The following ZSCAN18 variants were observed in gnomAD, a reference collection of about 807,000 sequenced individuals.
ZSCAN18 encodes the protein zinc finger and SCAN domain containing 18.
A neutral mutation model predicts 31.1 loss-of-function variants in ZSCAN18; 16 were observed. The ratio of observed to expected loss-of-function variants is 0.51; its 90% CI spans 0.35 to 0.78. The LOEUF is 0.78. Ranked by LOEUF, ZSCAN18 falls within the 30% of genes least tolerant of loss-of-function variation. ZSCAN18 has a pLI of 0.01. For synonymous variants in ZSCAN18, 375 were observed against 320.7 expected, an observed-to-expected ratio of 1.17 and a Z score of -1.81; for missense variants, 731 against 697.4, an observed-to-expected ratio of 1.05 and a Z score of -0.54.
At chr19:58,104,097 G>A (rs554995239) in intron 1 of ZSCAN18, among the ~76,000 whole-genome samples, 130 of 152,314 alleles carry the variant, frequency 8.5e-4, no homozygotes, top group Non-Finnish European at 1.6e-3. Flanking sequence ...ATTCTGAGCC[G>A]GCCAGGCACA....
At chr19:58,115,529 T>C (rs1462746918) in intron 1 of ZSCAN18, among the ~76,000 whole-genome samples, 1 of 152,236 alleles carries the variant, frequency 6.6e-6, no homozygotes, top group Non-Finnish European at 1.5e-5. Context: ...TCAACGTGTG[T>C]ATATAACTTG....
At chr19:58,112,582 C>T (rs911645751) in intron 1 of ZSCAN18, among the ~76,000 whole-genome samples, 4 of 150,566 alleles carry the variant, frequency 2.7e-5, no homozygotes, top group South Asian at 2.1e-4. Flanking sequence ...ACCCAGGAGG[C>T]GGAGATTGCA....
intron 1 of ZSCAN18, among the ~76,000 whole-genome samples, chr19:58,106,421 G>GTTTTTTTTGGTTTTTTTTTTAAATGGA (rs368006741): frequency 1.7e-5 from 1 of 60,152 alleles, no homozygotes; most frequent in African/African-American, 4.2e-5. Context: ...AAAGACATCT[G>GTTTTTTTTGGTTTTTTTTTTAAATGGA]GCTGGGCGCG....
intron 1 of ZSCAN18, among the ~76,000 whole-genome samples, chr19:58,109,602 ATAAAC>A (rs1374521697): frequency 6.6e-6 from 1 of 152,238 alleles, no homozygotes; most frequent in African/African-American, 2.4e-5. Context: ...ACAAAAGTGA[ATAAAC>A]TAAGAGTACA....
At chr19:58,098,424 A>C (rs1436352170), upstream of ZSCAN18, 1 of 969,774 alleles carries the variant, frequency 1.0e-6, no homozygotes, top group Non-Finnish European at 1.2e-6. Flanking sequence ...GCACCATGGC[A>C]ACGAAGTAAA....
At position 58,095,096 on chromosome 19, in the gene ZSCAN18, G is replaced by A. The variant is rs186202368; in HGVS notation, c.-120+3078C>T. On this transcript the variant is annotated intron_variant, in intron 1 of 6. Coordinates refer to ENST00000601144, the MANE Select transcript of ZSCAN18 (RefSeq NM_001145543.2). ...AAAACAGGTCACTGCTGGCCTGCAG[G>A]TGGGTACGCTAACCCCTGTTCTGGA... Among the ~76,000 whole-genome samples, 19 of 152,238 alleles carry A rather than the reference G, an allele frequency of 1.2e-4. No individual in the cohort carries two copies. The East Asian group carries it at 3.5e-3, about 28-fold the overall frequency.
rs2074228168 is a variant in ZSCAN18 at position 58,084,802 on chromosome 19, C to G, written c.1416G>C (p.Gly472=). 1 of 1,582,304 alleles carries G rather than the reference C, an allele frequency of 6.3e-7. No homozygotes were observed. Among genetic ancestry groups the G allele is most frequent in the African/African-American group, 1.3e-5 (1 of 74,622 alleles). ...THEKEKSYAL[G]GARGPQPSTR... is the part of the protein sequence containing the mutation. Reference sequence around the variant, plus strand: ...TGGACGGTTGGGGGCCCCGGGCGCCCCCCAGCGCGTAGCTTTTCTCCTTCT... The same window carrying G: ...TGGACGGTTGGGGGCCCCGGGCGCCGCCCAGCGCGTAGCTTTTCTCCTTCT... Residue 472 remains glycine (G), a synonymous_variant, in exon 7 of 7, where the codon GGG becomes GGC. Transcript: ENST00000601144. This position sits in a 1 kb window ranked among gnomAD's most constrained non-coding sequence, Gnocchi z 4.5.
At chr19:58,087,433 C>T in intron 3 of ZSCAN18, 29 bp from the exon 4 acceptor site, 1 of 1,571,634 alleles carries the variant, frequency 6.4e-7, no homozygotes. Context: ...AGAGCTGAGG[C>T]AATGAGCTCC....
intron 1 of ZSCAN18, among the ~76,000 whole-genome samples, chr19:58,105,244 T>C (rs1428468264): frequency 6.6e-6 from 1 of 152,210 alleles, no homozygotes; most frequent in Non-Finnish European, 1.5e-5. Flanking sequence ...GGCTGCTCAC[T>C]GACAAGAGCT....
In ZSCAN18 at chr19:58,084,838, C is replaced by T. The variant is rs756944987; in HGVS notation, c.1380G>A (p.Gln460=). Residue 460 remains glutamine (Q), a synonymous_variant, in exon 7 of 7, where the codon CAG becomes CAA. Transcript: ENST00000601144. This position sits in a 1 kb window ranked among gnomAD's most constrained non-coding sequence, Gnocchi z 4.5. The part of the protein sequence containing the change: ...FHFSLALAEH[Q]KTHEKEKSYA... ...AGCTTTTCTCCTTCTCGTGGGTCTT[C>T]TGGTGCTCGGCTAGGGCCAGGCTGA... 5.0e-6 allele frequency: 8 copies of T among 1,598,736 alleles called. No individual in the cohort carries two copies. In the African/African-American group the frequency reaches 9.4e-5, roughly 19 times the overall value.
In ZSCAN18 at chr19:58,107,650, A is replaced by G. The variant is rs1243811041; in HGVS notation, c.130+10617T>C. 8 of 985,740 alleles carry G rather than the reference A, an allele frequency of 8.1e-6. No individual in the cohort carries two copies. The Admixed American group carries it at 1.8e-4, about 23-fold the overall frequency. The allele number at this position is 985,740 out of a possible 1,614,324, so 61.1% of individuals were successfully genotyped here. On this transcript the variant is annotated intron_variant, in intron 1 of 1. Transcript: ENST00000595721. The stretch of plus-strand genomic sequence containing the variant: ...TTCTTCCATTTATAGATGGAAAAAC[A>G]TATTTGTTACTTTCAAACAACATAA...
At position 58,085,336 on chromosome 19, in the gene ZSCAN18, C is replaced by G. The variant is rs753014433; in HGVS notation, c.882G>C (p.Glu294Asp). 1.8e-4 allele frequency: 288 copies of G among 1,593,976 alleles called. No homozygotes were observed. Among genetic ancestry groups the G allele is most frequent in the Non-Finnish European group, 2.4e-4 (280 of 1,177,828 alleles). ...CAGGCAGCACCCCCGCGGGGGCGGC[C>G]TCCTCGCAGGCGCACCCAGCGCTCT... ...RQESAGCACE[E>D]AAPAGVLPEL... Residue 294 changes from glutamate (E) to aspartate (D), a missense_variant, in exon 7 of 7, where the codon GAG (glutamate) becomes GAC (aspartate). Physicochemically the swap from Glu to Asp is conservative, Grantham distance 45 (BLOSUM62 2). Transcript: ENST00000601144.
intron 1 of ZSCAN18, chr19:58,108,507 A>G (rs1374357401): frequency 1.0e-6 from 1 of 985,916 alleles, no homozygotes; most frequent in Non-Finnish European, 1.2e-6. Context: ...TCTTGCATTT[A>G]TAGGATTTCT....
Position 58,084,145 on chromosome 19 carries a change from C to T in ZSCAN18, c.*540G>A, listed in dbSNP as rs1350196409. 1 of 152,312 alleles carries T rather than the reference C, an allele frequency of 6.6e-6. No homozygotes were observed. Among genetic ancestry groups the T allele is most frequent in the Non-Finnish European group, 1.5e-5 (1 of 68,098 alleles). 9.4% of individuals were successfully genotyped at this position (152,312 alleles called of 1,614,324 possible). A position where few individuals can be genotyped will look rare whatever the true frequency, so the allele number is the denominator to read the frequency against. On this transcript the variant is annotated 3_prime_UTR_variant, in exon 7 of 7. Transcript: ENST00000601144. This position sits in a 1 kb window ranked among gnomAD's most constrained non-coding sequence, Gnocchi z 4.5. ...ACCCTGCCTTAGGCTGCAAGCATTT[C>T]TGTGATCTCTGCGAGCTACTCCATA...
At chr19:58,085,937 C>T in intron 6 of ZSCAN18, 1 of 536,412 alleles carries the variant, frequency 1.9e-6, no homozygotes, top group South Asian at 2.4e-5. Flanking sequence ...TACACAGATC[C>T]TGGCAACTAA....
chr19:58,108,094 G>T, intron 1 of ZSCAN18: 4 of 991,794 alleles, frequency 4.0e-6, no homozygotes, highest in Non-Finnish European at 4.8e-6. Context: ...TAACTCATGA[G>T]ATTTCTTTCC....
chr19:58,087,478 C>T, intron 3 of ZSCAN18, 74 bp from the exon 4 acceptor site: 1 of 1,335,926 alleles, frequency 7.5e-7, no homozygotes, highest in Non-Finnish European at 1.0e-6. Flanking sequence ...CAAGGAGCCC[C>T]CGCTGCCTCC....
At chr19:58,104,508 G>A (rs1422559661) in intron 1 of ZSCAN18, among the ~76,000 whole-genome samples, 8 of 151,740 alleles carry the variant, frequency 5.3e-5, no homozygotes, top group Admixed American at 5.3e-4. Context: ...AGAACAGCTT[G>A]GTCAACGTGG....
chr19:58,108,816 G>A (rs1171544089), intron 1 of ZSCAN18: 1 of 978,084 alleles, frequency 1.0e-6, no homozygotes, highest in Non-Finnish European at 1.2e-6. Flanking sequence ...AAGGCTGAAG[G>A]AGTTACCACC....
Sources: allele counts gnomAD v4.1 joint callset (sites outside exome capture counted in the v4.1 genomes callset), GRCh38; gene constraint gnomAD v4.1.1; non-coding constraint Gnocchi (gnomAD v3.1); transcripts MANE v1.5; gene names NCBI Gene and HGNC (gene_info 2026-07-23, HGNC 2026-07-21).